HS6ST1: variants seen among roughly 807,000 people sequenced by gnomAD.
The protein encoded by HS6ST1 is heparan sulfate 6-O-sulfotransferase 1.
HS6ST1 carries 3 observed loss-of-function variants against 25.2 expected under a neutral mutation model. The observed-to-expected ratio is 0.12, with a 90% CI of 0.05 to 0.31. The LOEUF (loss-of-function observed/expected upper bound fraction) is 0.31. Ranked by LOEUF, HS6ST1 falls within the 10% of genes least tolerant of loss-of-function variation. The pLI is 1.00. For missense variants in HS6ST1, 310 were observed against 609.6 expected (o/e 0.51, Z 5.18); for synonymous variants, 204 against 275.1 (o/e 0.74, Z 2.56).
intron 1 of HS6ST1, among the ~76,000 whole-genome samples, chr2:128,309,182 C>G (rs1694253447): frequency 6.6e-6 from 1 of 152,224 alleles, no homozygotes; most frequent in Non-Finnish European, 1.5e-5. Flanking sequence ...CTCACCTGCC[C>G]TCCTTGTTGC....
At chr2:128,295,654 T>C (rs1160965038) in intron 1 of HS6ST1, among the ~76,000 whole-genome samples, 1 of 152,096 alleles carries the variant, frequency 6.6e-6, no homozygotes, top group Non-Finnish European at 1.5e-5. Context: ...GAACAGCATA[T>C]AAAAATGATT....
intron 1 of HS6ST1, among the ~76,000 whole-genome samples, chr2:128,310,537 A>G (rs1694274766): frequency 6.6e-6 from 1 of 152,136 alleles, no homozygotes; most frequent in Non-Finnish European, 1.5e-5. Flanking sequence ...GGTGGCATGG[A>G]GGGGGAGAGC....
intron 1 of HS6ST1, among the ~76,000 whole-genome samples, chr2:128,282,273 G>T (rs928416169): frequency 6.6e-6 from 1 of 152,236 alleles, no homozygotes; most frequent in Non-Finnish European, 1.5e-5. Flanking sequence ...AGACGCGGCA[G>T]TACTGGGCTG....
In HS6ST1 at chr2:128,298,712, A is replaced by G. The variant is rs78255047; in HGVS notation, c.527+19325T>C. 2.6e-5 allele frequency among the ~76,000 whole-genome samples: 4 copies of G among 152,306 alleles called. No homozygotes were observed. The East Asian group carries it at 7.7e-4, about 29-fold the overall frequency. ...TCAGAGCTCAGTTTGGGAAGATGAA[A>G]AAGTTCTGGAGACGGATGATGGTGA... is the stretch of plus-strand genomic sequence containing the variant. On this transcript the variant is annotated intron_variant, in intron 1 of 1. Transcript: ENST00000259241.
intron 1 of HS6ST1, among the ~76,000 whole-genome samples, chr2:128,286,392 C>T (rs1430399136): frequency 1.3e-5 from 2 of 152,160 alleles, no homozygotes; most frequent in Non-Finnish European, 1.5e-5. Context: ...GGTCAGGGGG[C>T]CTCATCAGAC....
chr2:128,267,865 T>C lies in HS6ST1; in HGVS notation c.*297A>G. On this transcript the variant is annotated 3_prime_UTR_variant, in exon 2 of 2. Transcript: ENST00000259241. ...GCAAACCTTCAGTTTTTGCGATAAA[T>C]CCAAGGAGGCCAGGAGAGCAGCTCC... 1.8e-6 allele frequency: 1 copy of C among 551,794 alleles called. No homozygotes were observed. Among genetic ancestry groups the C allele is most frequent in the South Asian group, 2.4e-5 (1 of 41,322 alleles). The allele number at this position is 551,794 out of a possible 1,614,324, so 34.2% of individuals were successfully genotyped here. A position where few individuals can be genotyped will look rare whatever the true frequency, so the allele number is the denominator to read the frequency against.
chr2:128,299,088 C>T (rs1209102104), intron 1 of HS6ST1, among the ~76,000 whole-genome samples: 6 of 152,236 alleles, frequency 3.9e-5, no homozygotes, highest in South Asian at 4.1e-4. Flanking sequence ...CACACCTGGA[C>T]GTGGCCCAGG....
chr2:128,277,879 T>A lies in HS6ST1; in HGVS notation c.528-9009A>T, dbSNP rs958955141. Among the ~76,000 whole-genome samples the A allele has an allele frequency of 5.9e-5, 9 of 152,376 alleles. No individual in the cohort carries two copies. In the East Asian group the frequency reaches 1.7e-3, roughly 29 times the overall value. On this transcript the variant is annotated intron_variant, in intron 1 of 1. Coordinates refer to ENST00000259241, the MANE Select transcript of HS6ST1 (RefSeq NM_004807.3). ...AGAATGATCGCCTGGATCATGCACT[T>A]CGGCATTTAATTATGCTTGGTTTAA...
intron 1 of HS6ST1, among the ~76,000 whole-genome samples, chr2:128,313,128 C>G (rs1694315800): frequency 6.6e-6 from 1 of 152,096 alleles, no homozygotes. Context: ...TGCTCACAGA[C>G]CACAGGTGGG....
chr2:128,267,792 C>T lies in HS6ST1; in HGVS notation c.*370G>A. On this transcript the variant is annotated 3_prime_UTR_variant, in exon 2 of 2. Coordinates refer to ENST00000259241, the MANE Select transcript of HS6ST1 (RefSeq NM_004807.3). The stretch of plus-strand genomic sequence containing the variant: ...TGCTGTGTGCATAGTTGGTGAGGGA[C>T]ACACTCCCGGCCTGGCAGGTCCACT... 1 of 354,096 alleles carries T rather than the reference C, an allele frequency of 2.8e-6. No homozygotes were observed. Among genetic ancestry groups the T allele is most frequent in the Non-Finnish European group, 5.3e-6 (1 of 189,614 alleles). The allele number at this position is 354,096 out of a possible 1,614,324, so 21.9% of individuals were successfully genotyped here. A position where few individuals can be genotyped will look rare whatever the true frequency, so the allele number is the denominator to read the frequency against.
At chr2:128,293,676 G>A (rs35374667) in intron 1 of HS6ST1, among the ~76,000 whole-genome samples, 11,879 of 152,236 alleles carry the variant, frequency 0.078, 603 homozygotes, top group Non-Finnish European at 0.1. Flanking sequence ...TGGGGCCCAC[G>A]GGGACAGAGG....
At chr2:128,316,534 G>A (rs1694365411) in intron 1 of HS6ST1, among the ~76,000 whole-genome samples, 1 of 152,178 alleles carries the variant, frequency 6.6e-6, no homozygotes, top group South Asian at 2.1e-4. Flanking sequence ...CAGGGTTAGG[G>A]GGGCCCTGCA....
chr2:128,275,330 G>C (rs1479979192), intron 1 of HS6ST1, among the ~76,000 whole-genome samples: 1 of 152,158 alleles, frequency 6.6e-6, no homozygotes, highest in East Asian at 1.9e-4. Context: ...GAGGGTGTAA[G>C]AACGCTTCAC....
chr2:128,293,973 G>A (rs947502975), intron 1 of HS6ST1, among the ~76,000 whole-genome samples: 6 of 152,208 alleles, frequency 3.9e-5, no homozygotes, highest in Non-Finnish European at 8.8e-5. Context: ...GGTCCATGCT[G>A]AGACCACGCT....
At chr2:128,272,967 T>C (rs1018031198) in intron 1 of HS6ST1, among the ~76,000 whole-genome samples, 6 of 152,146 alleles carry the variant, frequency 3.9e-5, no homozygotes, top group African/African-American at 1.4e-4. Context: ...AAGGGGCACC[T>C]GAGCCAGCGA....
At chr2:128,310,659 G>T (rs992090865) in intron 1 of HS6ST1, among the ~76,000 whole-genome samples, 2 of 152,126 alleles carry the variant, frequency 1.3e-5, no homozygotes, top group African/African-American at 4.8e-5. Context: ...CTGCCCACCT[G>T]TGGATCCTAA....
intron 1 of HS6ST1, among the ~76,000 whole-genome samples, chr2:128,304,036 C>T (rs768028007): frequency 3.3e-5 from 5 of 152,314 alleles, no homozygotes; most frequent in South Asian, 2.1e-4. Flanking sequence ...TCCAGGTTCT[C>T]GGGCCTTTGG....
chr2:128,284,139 T>C (rs1693826778), intron 1 of HS6ST1, among the ~76,000 whole-genome samples: 1 of 152,010 alleles, frequency 6.6e-6, no homozygotes, highest in Admixed American at 6.5e-5. Context: ...TGCAAGGATG[T>C]AGGCTTCCTG....
intron 1 of HS6ST1, among the ~76,000 whole-genome samples, chr2:128,272,493 G>A (rs1430720607): frequency 6.6e-6 from 1 of 152,224 alleles, no homozygotes; most frequent in African/African-American, 2.4e-5. Context: ...TCACGGGTGG[G>A]GGTGGCAGCA....
Sources: gnomAD v4.1 joint callset for allele counts (sites outside exome capture counted in the v4.1 genomes callset) on GRCh38, gnomAD v4.1.1 for gene constraint, MANE v1.5 for transcripts, NCBI Gene and HGNC (gene_info 2026-07-23, HGNC 2026-07-21) for gene names.